Variants in ASAP1 observed in about 807,000 individuals in gnomAD.
The protein encoded by ASAP1 is arf-GAP with SH3 domain, ANK repeat and PH domain-containing protein 1.
ASAP1 carries 43 observed loss-of-function variants against 145.2 expected under a neutral mutation model. The ratio of observed to expected loss-of-function variants is 0.30; its 90% CI spans 0.23 to 0.38. ASAP1 has a LOEUF of 0.38. Among genes scored for constraint, ASAP1 ranks in the 10% least tolerant of loss-of-function variants. The pLI, the probability that ASAP1 is intolerant of heterozygous loss-of-function variation, is 1.00. For missense variants in ASAP1, 1,018 were observed against 1,355.3 expected (o/e 0.75, Z 3.91); for synonymous variants, 546 against 515.5 (o/e 1.06, Z -0.80).
At chr8:130,106,639 T>G (rs2097537227) in intron 24 of ASAP1, among the ~76,000 whole-genome samples, 1 of 152,260 alleles carries the variant, frequency 6.6e-6, no homozygotes, top group Non-Finnish European at 1.5e-5. Flanking sequence ...ATGCTTTCAC[T>G]GATTCTTTCT....
rs911103817 is a variant in ASAP1, at chr8:130,296,883, G to A, written c.187-59889C>T. On this transcript the variant is annotated intron_variant, in intron 3 of 29. Coordinates refer to ENST00000518721, the MANE Select transcript of ASAP1 (RefSeq NM_018482.4). ...AAGGCTGAAGCCCTCTCCCTGGCCA[G>A]GGGTTCTTATTTACTTTTTCACAGT... Among the ~76,000 whole-genome samples the A allele has an allele frequency of 1.1e-4, 16 of 152,118 alleles. No individual in the cohort carries two copies. The East Asian group carries it at 2.3e-3, about 22-fold the overall frequency.
chr8:130,237,187 C>A (rs190002006), intron 3 of ASAP1, among the ~76,000 whole-genome samples, 193 bp from the exon 4 acceptor site: 1 of 152,054 alleles, frequency 6.6e-6, no homozygotes, highest in Non-Finnish European at 1.5e-5. Context: ...CGGAGAAGTG[C>A]AGTCATTCCA....
chr8:130,183,129 T>C (rs1280544070), intron 7 of ASAP1, among the ~76,000 whole-genome samples: 2 of 152,106 alleles, frequency 1.3e-5, no homozygotes, highest in Non-Finnish European at 2.9e-5. Flanking sequence ...AGAATGCACA[T>C]ACCGTGGCAC....
At chr8:130,152,623 A>T (rs1167483928) in intron 13 of ASAP1, 113 bp downstream of exon 13, 1 of 646,824 alleles carries the variant, frequency 1.5e-6, no homozygotes, top group Non-Finnish European at 2.5e-6. Flanking sequence ...AGGAATATCT[A>T]AAATGATCTG....
At position 130,411,254 on chromosome 8, in the gene ASAP1, G is replaced by T. The variant is rs77828191; in HGVS notation, c.-27-9284C>A. On this transcript the variant is annotated intron_variant, in intron 1 of 29. Transcript: ENST00000518721. ...TCTCACAGGTCATTACAGGCCAGGT[G>T]CATCTTACTGCAAGCAACACCTGCC... 6.2e-3 allele frequency among the ~76,000 whole-genome samples: 945 copies of T among 152,318 alleles called. 4 individuals carry two copies. The highest frequency in any genetic ancestry group is 0.018 in the African/African-American group (760 of 41,566).
chr8:130,276,167 T>C (rs1171698819), intron 3 of ASAP1, among the ~76,000 whole-genome samples: 1 of 152,122 alleles, frequency 6.6e-6, no homozygotes, highest in Non-Finnish European at 1.5e-5. Flanking sequence ...GCTAATAAAT[T>C]ATGATGTTCC....
intron 5 of ASAP1, among the ~76,000 whole-genome samples, chr8:130,200,425 T>C (rs990380909): frequency 1.3e-5 from 2 of 152,064 alleles, no homozygotes; most frequent in African/African-American, 2.4e-5. Context: ...ATTTAAGAGG[T>C]TGTATGGCTT....
At chr8:130,377,809 G>T (rs1481682076) in intron 2 of ASAP1, among the ~76,000 whole-genome samples, 1 of 152,158 alleles carries the variant, frequency 6.6e-6, no homozygotes. Flanking sequence ...AGCCTCTCTG[G>T]CTCCTGCTTC....
At position 130,061,178 on chromosome 8, in the gene ASAP1, A is replaced by T. The variant is rs2097418798; in HGVS notation, c.2702-109T>A. ...TGAAGGGAACTGACCTATAGTGAGC[A>T]CTTGAAATGGATGAACTCAGGGGCC... is the stretch of plus-strand genomic sequence containing the variant. On this transcript the variant is annotated intron_variant, in intron 27 of 29. Transcript: ENST00000518721. 7 of 1,340,056 alleles carry T rather than the reference A, an allele frequency of 5.2e-6. No individual in the cohort carries two copies. The Admixed American group carries it at 1.9e-4, about 36-fold the overall frequency. The allele number at this position is 1,340,056 out of a possible 1,614,324, so 83.0% of individuals were successfully genotyped here.
rs147754493 is a variant in ASAP1 at position 130,091,931 on chromosome 8, C to T, written c.2572+42G>A. The T allele has an allele frequency of 7.2e-4, 1,063 of 1,482,678 alleles. 5 individuals are homozygous for T. In the African/African-American group the frequency reaches 0.012, roughly 17 times the overall value. 91.8% of individuals were successfully genotyped at this position (1,482,678 alleles called of 1,614,324 possible). On this transcript the variant is annotated intron_variant, in intron 25 of 29. Coordinates refer to ENST00000518721, the MANE Select transcript of ASAP1 (RefSeq NM_018482.4). ...CTGCCCAGTGGAGCCCCACACGCTG[C>T]CTGGCCCCAGCAGCTTTGGCCCTGA...
At chr8:130,241,322 G>A (rs1818514631) in intron 3 of ASAP1, among the ~76,000 whole-genome samples, 1 of 152,052 alleles carries the variant, frequency 6.6e-6, no homozygotes. Context: ...TTTCCATAGT[G>A]TTACCACATC....
At chr8:130,291,499 G>A (rs1821942715) in intron 3 of ASAP1, among the ~76,000 whole-genome samples, 1 of 152,098 alleles carries the variant, frequency 6.6e-6, no homozygotes, top group Non-Finnish European at 1.5e-5. Context: ...GGTGTGTGAT[G>A]GAGACACTGA....
At chr8:130,108,356 CCTTT>C (rs1564967171) in intron 24 of ASAP1, among the ~76,000 whole-genome samples, 1 of 152,158 alleles carries the variant, frequency 6.6e-6, no homozygotes, top group African/African-American at 2.4e-5. Context: ...CAGGTGTTCA[CCTTT>C]CTAAACGCTT....
At chr8:130,359,077 T>G (rs1016136691) in intron 2 of ASAP1, among the ~76,000 whole-genome samples, 7 of 152,178 alleles carry the variant, frequency 4.6e-5, no homozygotes, top group African/African-American at 1.7e-4. Flanking sequence ...GCTCGCCCCA[T>G]CTCTCTGCAG....
At chr8:130,153,339 A>ATATATATATATATATATATATATG (rs1565024420) in intron 12 of ASAP1, among the ~76,000 whole-genome samples, 33 of 47,734 alleles carry the variant, frequency 6.9e-4, no homozygotes, top group African/African-American at 2.1e-3. Flanking sequence ...TTAAATATAT[A>ATATATATATATATATATATATATG]TATATATATA....
intron 3 of ASAP1, among the ~76,000 whole-genome samples, chr8:130,302,525 G>C (rs1394847893): frequency 6.6e-6 from 1 of 152,204 alleles, no homozygotes; most frequent in Non-Finnish European, 1.5e-5. Context: ...CAGATAGAGA[G>C]GGCAGGCCTC....
intron 7 of ASAP1, among the ~76,000 whole-genome samples, chr8:130,184,307 C>T (rs926757235): frequency 6.6e-6 from 1 of 152,134 alleles, no homozygotes; most frequent in Non-Finnish European, 1.5e-5. Context: ...TCCTCGTCTA[C>T]CACAGCAATA....
chr8:130,380,344 T>C (rs1460754841), intron 2 of ASAP1, among the ~76,000 whole-genome samples: 1 of 152,328 alleles, frequency 6.6e-6, no homozygotes, highest in African/African-American at 2.4e-5. Flanking sequence ...TGCTCCTTCC[T>C]TGGCTGAGGG....
chr8:130,278,237 G>A (rs951538010), intron 3 of ASAP1, among the ~76,000 whole-genome samples: 1 of 152,152 alleles, frequency 6.6e-6, no homozygotes, highest in African/African-American at 2.4e-5. Flanking sequence ...GTAGTAACAT[G>A]AGCATTTCAA....
Sources: allele counts gnomAD v4.1 joint callset (sites outside exome capture counted in the v4.1 genomes callset), GRCh38; gene constraint gnomAD v4.1.1; transcripts MANE v1.5; gene names NCBI Gene and HGNC (gene_info 2026-07-23, HGNC 2026-07-21).